The following CTNNBIP1 variants were observed in gnomAD, a reference collection of about 807,000 sequenced individuals.
CTNNBIP1 encodes the protein beta-catenin-interacting protein 1.
CTNNBIP1 carries 7 observed loss-of-function variants against 11.8 expected under a neutral mutation model. The ratio of observed to expected loss-of-function variants is 0.60; its 90% CI spans 0.34 to 1.12. The LOEUF is 1.12. Among genes scored for constraint, CTNNBIP1 ranks in the 50% most tolerant of loss-of-function variants. The pLI, the probability that CTNNBIP1 is intolerant of heterozygous loss-of-function variation, is 0.03. For synonymous variants in CTNNBIP1, 58 were observed against 43.9 expected, an observed-to-expected ratio of 1.32 and a Z score of -1.26; for missense variants, 101 against 113.4, an observed-to-expected ratio of 0.89 and a Z score of 0.50.
intron 5 of CTNNBIP1, among the ~76,000 whole-genome samples, chr1:9,854,365 T>A (rs576575179): frequency 9.2e-6 from 1 of 108,410 alleles, no homozygotes; most frequent in Admixed American, 1.0e-4. Context: ...TGAAACTCCA[T>A]CTCAAAAAAA....
rs114710398 is a variant in CTNNBIP1 at position 9,857,178 on chromosome 1, C to T, written c.188-6402G>A. Among the ~76,000 whole-genome samples, 428 of 150,932 alleles carry T rather than the reference C, an allele frequency of 2.8e-3. 2 individuals carry two copies. The highest frequency in any genetic ancestry group is 0.01 in the African/African-American group (413 of 41,098). On this transcript the variant is annotated intron_variant, in intron 5 of 5. Coordinates refer to ENST00000377263, the MANE Select transcript of CTNNBIP1 (RefSeq NM_020248.3). ...CTCAATAATAAAAAAGTGGAGAAAA[C>T]CCCAATTTAAAAAAATGGGTGGCTG...
Position 9,850,653 on chromosome 1 carries a change from G to A in CTNNBIP1, c.*65C>T, listed in dbSNP as rs377055537. On this transcript the variant is annotated 3_prime_UTR_variant, in exon 6 of 6. Transcript: ENST00000377263. ...CAAGGGGGGCTGCTGCCACTCAGCC[G>A]GCCCAGGAGCCACACAGATCTCTTG... 42 of 1,499,632 alleles carry A rather than the reference G, an allele frequency of 2.8e-5. No individual in the cohort carries two copies. The highest frequency in any genetic ancestry group is 3.6e-5 in the Non-Finnish European group (39 of 1,076,426). The allele number at this position is 1,499,632 out of a possible 1,614,324, so 92.9% of individuals were successfully genotyped here.
At chr1:9,877,259 G>C (rs1437348806) in intron 3 of CTNNBIP1, among the ~76,000 whole-genome samples, 1 of 152,244 alleles carries the variant, frequency 6.6e-6, no homozygotes, top group Non-Finnish European at 1.5e-5. Context: ...CTCTGTCTGG[G>C]AAATGCAACC....
chr1:9,904,404 T>C (rs1485404448), intron 1 of CTNNBIP1, among the ~76,000 whole-genome samples: 1 of 152,192 alleles, frequency 6.6e-6, no homozygotes, highest in Non-Finnish European at 1.5e-5. Context: ...TCTGGATTCC[T>C]GGTGAGTGGA....
chr1:9,859,155 C>G (rs578207019), intron 5 of CTNNBIP1, among the ~76,000 whole-genome samples: 1 of 152,326 alleles, frequency 6.6e-6, no homozygotes, highest in South Asian at 2.1e-4. Context: ...GCCCTGCTCC[C>G]TATCTCTGCC....
intron 5 of CTNNBIP1, among the ~76,000 whole-genome samples, chr1:9,853,923 A>T (rs1287766303): frequency 6.6e-6 from 1 of 152,214 alleles, no homozygotes; most frequent in Non-Finnish European, 1.5e-5. Context: ...ATACAACAAC[A>T]TATAAAAAGG....
intron 1 of CTNNBIP1, among the ~76,000 whole-genome samples, chr1:9,891,049 A>G (rs1639291057): frequency 6.6e-6 from 1 of 151,878 alleles, no homozygotes; most frequent in African/African-American, 2.4e-5. Context: ...GTCAAAAGCT[A>G]TGCCAGCTCT....
intron 5 of CTNNBIP1, among the ~76,000 whole-genome samples, chr1:9,863,944 A>G (rs1638687515): frequency 6.6e-6 from 1 of 152,178 alleles, no homozygotes; most frequent in Non-Finnish European, 1.5e-5. Flanking sequence ...CCGTTTCCTT[A>G]CAGCCTGGTT....
chr1:9,887,777 C>CAGAG (rs1426967610), intron 1 of CTNNBIP1, among the ~76,000 whole-genome samples: 2 of 152,140 alleles, frequency 1.3e-5, no homozygotes, highest in East Asian at 3.9e-4. Flanking sequence ...CACTGCCAAT[C>CAGAG]AGAGATTAAT....
intron 1 of CTNNBIP1, among the ~76,000 whole-genome samples, chr1:9,906,831 G>C (rs768303678): frequency 1.3e-5 from 2 of 152,234 alleles, no homozygotes; most frequent in Non-Finnish European, 2.9e-5. Context: ...GCCCAGGCAA[G>C]TCAACCAATA....
At chr1:9,857,291 T>C (rs539552871) in intron 5 of CTNNBIP1, among the ~76,000 whole-genome samples, 25 of 149,884 alleles carry the variant, frequency 1.7e-4, no homozygotes, top group East Asian at 8.1e-4. Context: ...CCATCCTGGC[T>C]AACACGGTGA....
intron 5 of CTNNBIP1, among the ~76,000 whole-genome samples, chr1:9,856,915 G>C (rs1638513854): frequency 6.7e-6 from 1 of 150,304 alleles, no homozygotes; most frequent in Non-Finnish European, 1.5e-5. Flanking sequence ...CTGAGGTCAG[G>C]AGTTCGAGAC....
At chr1:9,907,740 A>G (rs144309483) in intron 1 of CTNNBIP1, among the ~76,000 whole-genome samples, 2 of 152,292 alleles carry the variant, frequency 1.3e-5, no homozygotes, top group Non-Finnish European at 2.9e-5. Flanking sequence ...CTCAGTCTCC[A>G]AAGTTTTGCT....
intron 2 of CTNNBIP1, among the ~76,000 whole-genome samples, chr1:9,878,840 A>T (rs1322308595): frequency 6.6e-6 from 1 of 152,198 alleles, no homozygotes; most frequent in Non-Finnish European, 1.5e-5. Flanking sequence ...AATCATCCCA[A>T]TAAATGGTGA....
intron 1 of CTNNBIP1, among the ~76,000 whole-genome samples, chr1:9,896,477 TC>T (rs1272356069): frequency 6.6e-6 from 1 of 152,174 alleles, no homozygotes; most frequent in Non-Finnish European, 1.5e-5. Flanking sequence ...GGCAGGCAGA[TC>T]ACCTGAGGTC....
chr1:9,857,796 G>A (rs192071805), intron 5 of CTNNBIP1, among the ~76,000 whole-genome samples: 35 of 152,250 alleles, frequency 2.3e-4, no homozygotes, highest in Admixed American at 3.9e-4. Context: ...CCAAGATTCC[G>A]TCTCAAAAAC....
Position 9,872,230 on chromosome 1 carries a change from G to A in CTNNBIP1, c.-24-142C>T, listed in dbSNP as rs1357320964. Reference sequence around the variant, plus strand: ...CTTCTGGGAGCATGGGGCAGGTGGCGAGGTGCTGGGTTCCTTTCTCACCCA... The same window carrying A: ...CTTCTGGGAGCATGGGGCAGGTGGCAAGGTGCTGGGTTCCTTTCTCACCCA... On this transcript the variant is annotated intron_variant, in intron 3 of 5. Coordinates refer to ENST00000377263, the MANE Select transcript of CTNNBIP1 (RefSeq NM_020248.3). The surrounding 1 kb of genome is among the most constrained non-coding windows in gnomAD (Gnocchi z 4.0). The A allele has an allele frequency of 9.4e-6, 6 of 636,188 alleles. No homozygotes were observed. The Admixed American group carries it at 9.5e-5, about 10-fold the overall frequency. The allele number at this position is 636,188 out of a possible 1,614,324, so 39.4% of individuals were successfully genotyped here.
chr1:9,871,057 C>T lies in CTNNBIP1; in HGVS notation c.187+130G>A, dbSNP rs1372809263. ...CTCTGTGGGTGGAGAGAGCTGTAGC[C>T]CCTCCTAGTCAGCCCTGGGTCTCAT... is the stretch of plus-strand genomic sequence containing the variant. On this transcript the variant is annotated intron_variant, in intron 5 of 5. Transcript: ENST00000377263. This position sits in a 1 kb window ranked among gnomAD's most constrained non-coding sequence, Gnocchi z 5.2. 2 of 661,168 alleles carry T rather than the reference C, an allele frequency of 3.0e-6. No individual in the cohort carries two copies. The highest frequency in any genetic ancestry group is 5.1e-6 in the Non-Finnish European group (2 of 393,100). The allele number at this position is 661,168 out of a possible 1,614,324, so 41.0% of individuals were successfully genotyped here.
intron 2 of CTNNBIP1, among the ~76,000 whole-genome samples, chr1:9,882,715 G>A (rs1438850480): frequency 2.0e-5 from 3 of 152,076 alleles, no homozygotes; most frequent in Non-Finnish European, 4.4e-5. Flanking sequence ...AGAGCCAGGA[G>A]GAGTGTAAGA....
Sources: gnomAD v4.1 joint callset for allele counts (sites outside exome capture counted in the v4.1 genomes callset) on GRCh38, gnomAD v4.1.1 for gene constraint, Gnocchi (gnomAD v3.1) non-coding constraint, MANE v1.5 for transcripts, NCBI Gene and HGNC (gene_info 2026-07-23, HGNC 2026-07-21) for gene names.